The following CEP295 variants were observed in gnomAD, a reference collection of about 807,000 sequenced individuals.
CEP295 encodes centrosomal protein of 295 kDa.
A neutral mutation model predicts 291.6 loss-of-function variants in CEP295; 190 were observed. The ratio of observed to expected loss-of-function variants is 0.65; its 90% CI spans 0.58 to 0.73. The LOEUF is 0.73. Among genes scored for constraint, CEP295 ranks in the 30% least tolerant of loss-of-function variants. The pLI is 0.00. For synonymous variants in CEP295, 993 were observed against 1,038.8 expected (o/e 0.96, Z 0.85); for missense variants, 2,863 against 2,949.4 (o/e 0.97, Z 0.68).
intron 1 of CEP295, among the ~76,000 whole-genome samples, chr11:93,662,390 C>T (rs971431988): frequency 3.9e-5 from 6 of 152,194 alleles, no homozygotes; most frequent in African/African-American, 1.4e-4. Flanking sequence ...ACTTCAGTGA[C>T]TTGGCCAGTA....
intron 5 of CEP295, among the ~76,000 whole-genome samples, chr11:93,671,445 C>T (rs761703443): frequency 1.4e-4 from 22 of 152,046 alleles, no homozygotes; most frequent in African/African-American, 1.9e-4. Flanking sequence ...CTTGCGTCCC[C>T]GTGACTCCAT....
chr11:93,712,113 C>A (rs753780296), intron 18 of CEP295, among the ~76,000 whole-genome samples: 1 of 151,900 alleles, frequency 6.6e-6, no homozygotes, highest in Non-Finnish European at 1.5e-5. Context: ...TAATATTTGC[C>A]TTATATGTCT....
intron 18 of CEP295, among the ~76,000 whole-genome samples, chr11:93,707,396 A>G (rs1388801594): frequency 6.6e-6 from 1 of 152,118 alleles, no homozygotes; most frequent in Non-Finnish European, 1.5e-5. Flanking sequence ...AGGATATTTT[A>G]TATATAATTT....
At chr11:93,726,616 A>C (rs1038435217) in intron 23 of CEP295, 1 of 163,410 alleles carries the variant, frequency 6.1e-6, no homozygotes, top group African/African-American at 2.4e-5. Context: ...CATACATGAG[A>C]TACACAAGGA....
At position 93,727,373 on chromosome 11, in the gene CEP295, T is replaced by A; in HGVS notation, c.6897T>A (p.Ile2299=). 1 of 1,551,440 alleles carries A rather than the reference T, an allele frequency of 6.4e-7. No homozygotes were observed. Among genetic ancestry groups the A allele is most frequent in the Non-Finnish European group, 8.7e-7 (1 of 1,146,940 alleles). ...VVTMLQSQGL[I]EDNKNETCRV... ...CAATGTTACAAAGTCAAGGACTCAT[T>A]GAAGATAATAAAAATGAAACCTGTA... The change falls in exon 24 of 30, where the codon ATT becomes ATA. Residue 2299 remains isoleucine (I), a synonymous_variant. Transcript: ENST00000325212.
chr11:93,716,886 T>C (rs1016808219), intron 18 of CEP295, among the ~76,000 whole-genome samples: 6 of 152,246 alleles, frequency 3.9e-5, no homozygotes, highest in Admixed American at 2.6e-4. Flanking sequence ...CTTAGGCTTC[T>C]CATGACCTTT....
At chr11:93,685,728 T>G (rs200972508) in intron 9 of CEP295, among the ~76,000 whole-genome samples, 1 of 74,956 alleles carries the variant, frequency 1.3e-5, no homozygotes, top group Admixed American at 1.6e-4. Flanking sequence ...TTGTTTGTTT[T>G]GAGATGGAGT....
At chr11:93,695,696 A>T in intron 13 of CEP295, 62 bp downstream of exon 13, 1 of 1,464,042 alleles carries the variant, frequency 6.8e-7, no homozygotes, top group Non-Finnish European at 8.9e-7. Flanking sequence ...AGAAAATATG[A>T]GCACTTGTAG....
chr11:93,701,883 T>C (rs1339978464), intron 15 of CEP295, among the ~76,000 whole-genome samples: 2 of 152,328 alleles, frequency 1.3e-5, no homozygotes, highest in East Asian at 3.9e-4. Flanking sequence ...ATTACAGGCG[T>C]GAGCCACTGC....
intron 18 of CEP295, among the ~76,000 whole-genome samples, chr11:93,707,582 A>G (rs1779551589): frequency 6.6e-6 from 1 of 152,044 alleles, no homozygotes; most frequent in African/African-American, 2.4e-5. Context: ...AACACCGTGA[A>G]ACCCTGTCTA....
chr11:93,723,411 GT>G, intron 21 of CEP295, 122 bp downstream of exon 21: 1 of 714,474 alleles, frequency 1.4e-6, no homozygotes, highest in Non-Finnish European at 2.3e-6. Flanking sequence ...CTACAACACC[GT>G]TTTACCACAG....
intron 5 of CEP295, among the ~76,000 whole-genome samples, chr11:93,674,724 G>A (rs1950610873): frequency 6.6e-6 from 1 of 152,172 alleles, no homozygotes; most frequent in Non-Finnish European, 1.5e-5. Context: ...TCCAGCAGAA[G>A]TGTTAGCATT....
chr11:93,686,764 G>A (rs1049188865), intron 9 of CEP295, among the ~76,000 whole-genome samples: 3 of 152,146 alleles, frequency 2.0e-5, no homozygotes, highest in Non-Finnish European at 2.9e-5. Flanking sequence ...CTTAGTCCTG[G>A]TAATGTTCCA....
chr11:93,667,054 A>G (rs528886919), intron 2 of CEP295, among the ~76,000 whole-genome samples: 3 of 152,320 alleles, frequency 2.0e-5, no homozygotes, highest in African/African-American at 7.2e-5. Flanking sequence ...ATAGCTCTTT[A>G]TCTTTTTTAA....
At position 93,729,695 on chromosome 11, in the gene CEP295, C is replaced by G. The variant is rs1938119727; in HGVS notation, c.7481C>G (p.Ser2494Cys). The G allele has an allele frequency of 6.5e-7, 1 of 1,549,828 alleles. No homozygotes were observed. Residue 2494 changes from serine to cysteine, a missense_variant, in exon 27 of 30, where the codon TCC (serine) becomes TGC (cysteine). Ser to Cys is a moderately radical substitution (Grantham distance 112). Transcript: ENST00000325212. Reference protein sequence around the residue: ...IKRKKSFMERSHQRQKEIRNK... With the variant: ...IKRKKSFMERCHQRQKEIRNK... ...AGGAAAAAATCATTTATGGAGAGAT[C>G]CCACCAGAGGCAGAAAGAAATAAGG... is the stretch of plus-strand genomic sequence containing the variant.
chr11:93,707,441 A>G lies in CEP295; in HGVS notation c.5749+544A>G, dbSNP rs550241409. Among the ~76,000 whole-genome samples, 27 of 152,222 alleles carry G rather than the reference A, an allele frequency of 1.8e-4. No individual in the cohort carries two copies. The East Asian group carries it at 4.3e-3, about 24-fold the overall frequency. On this transcript the variant is annotated intron_variant, in intron 18 of 29. Coordinates refer to ENST00000325212, the MANE Select transcript of CEP295 (RefSeq NM_033395.2). ...TCCTACAAAGTATAGTTGTAGTACT[A>G]TTTTATTAGTTGTAAGGCATCTTTT...
At chr11:93,714,815 G>A (rs1320243250) in intron 18 of CEP295, among the ~76,000 whole-genome samples, 3 of 151,906 alleles carry the variant, frequency 2.0e-5, no homozygotes, top group Non-Finnish European at 1.5e-5. Context: ...TTACCTTCCT[G>A]TCTCCCAAAC....
At position 93,698,702 on chromosome 11, in the gene CEP295, C is replaced by T. The variant is rs1047139900; in HGVS notation, c.3790C>T (p.Leu1264=). The part of the protein sequence containing the change: ...QDNLEEHQAW[L]DTEKEAFHFS... ...TAATTTGGAGGAACACCAAGCATGG[C>T]TAGACACTGAGAAAGAAGCCTTTCA... is the stretch of plus-strand genomic sequence containing the variant. Residue 1264 remains leucine, a synonymous_variant, in exon 15 of 30, where the codon CTA becomes TTA. Transcript: ENST00000325212. 1 of 1,551,132 alleles carries T rather than the reference C, an allele frequency of 6.4e-7. No individual in the cohort carries two copies. The highest frequency in any genetic ancestry group is 1.4e-5 in the African/African-American group (1 of 73,042).
rs1044901782 is a variant in CEP295, at chr11:93,717,227, C to A, written c.5750-4085C>A. ...AGGACAGTTGGTGGAAGCTTCTATT[C>A]CGTCTCTCTTGCTCCACCCCTACCC... On this transcript the variant is annotated intron_variant, in intron 18 of 29. Transcript: ENST00000325212. Among the ~76,000 whole-genome samples, 7 of 152,196 alleles carry A rather than the reference C, an allele frequency of 4.6e-5. 1 individual carries two copies. Among genetic ancestry groups the A allele is most frequent in the Admixed American group, 4.6e-4 (7 of 15,284 alleles).
Sources: gnomAD v4.1 joint callset for allele counts (sites outside exome capture counted in the v4.1 genomes callset) on GRCh38, gnomAD v4.1.1 for gene constraint, MANE v1.5 for transcripts, NCBI Gene and HGNC (gene_info 2026-07-23, HGNC 2026-07-21) for gene names.